Variants in CPEB1 observed in about 807,000 individuals in gnomAD.
CPEB1 encodes cytoplasmic polyadenylation element binding protein 1.
Under a neutral mutation model 65.8 loss-of-function variants are expected in CPEB1, and 7 were observed. The observed-to-expected ratio is 0.11, with a 90% CI of 0.06 to 0.20. The LOEUF is 0.20. Among genes scored for constraint, CPEB1 ranks in the 10% least tolerant of loss-of-function variants. The pLI is 1.00. For synonymous variants in CPEB1, 262 were observed against 260.0 expected, an observed-to-expected ratio of 1.01 and a Z score of -0.08; for missense variants, 551 against 712.2, an observed-to-expected ratio of 0.77 and a Z score of 2.58.
At chr15:82,597,369 TTA>T (rs1231032796) in intron 3 of CPEB1, among the ~76,000 whole-genome samples, 1 of 152,138 alleles carries the variant, frequency 6.6e-6, no homozygotes, top group Non-Finnish European at 1.5e-5. Context: ...CCAGTTGGAT[TTA>T]CATCCAAAGG....
chr15:82,644,641 AT>A (rs1261110961), intron 1 of CPEB1, among the ~76,000 whole-genome samples: 2 of 152,158 alleles, frequency 1.3e-5, no homozygotes, highest in Non-Finnish European at 2.9e-5. Context: ...CTGGGCCCAC[AT>A]TTTTGCTGAG....
chr15:82,611,768 TA>T (rs566522607), intron 3 of CPEB1, among the ~76,000 whole-genome samples: 5 of 144,350 alleles, frequency 3.5e-5, no homozygotes, highest in Admixed American at 6.9e-5. Context: ...TCAATAAGTT[TA>T]AAAAAAACAC....
chr15:82,591,712 T>C (rs960753569), intron 3 of CPEB1, among the ~76,000 whole-genome samples: 5 of 152,188 alleles, frequency 3.3e-5, no homozygotes, highest in Middle Eastern at 3.2e-3. Flanking sequence ...TAAGCAACCA[T>C]GAATCTATTT....
chr15:82,624,273 T>G (rs2045565747), intron 3 of CPEB1, among the ~76,000 whole-genome samples: 1 of 152,262 alleles, frequency 6.6e-6, no homozygotes, highest in Middle Eastern at 3.4e-3. Flanking sequence ...TGGGTATACG[T>G]GAAAGGCTCA....
At chr15:82,638,163 C>G (rs2046820070) in intron 1 of CPEB1, among the ~76,000 whole-genome samples, 1 of 152,146 alleles carries the variant, frequency 6.6e-6, no homozygotes, top group African/African-American at 2.4e-5. Context: ...ATATCATTGT[C>G]AGACAACTGT....
intron 4 of CPEB1, among the ~76,000 whole-genome samples, chr15:82,561,313 T>C (rs1596021366): frequency 1.3e-5 from 2 of 152,290 alleles, no homozygotes; most frequent in South Asian, 2.1e-4. Flanking sequence ...CTACTTGGCA[T>C]AGCAGCATCT....
chr15:82,637,868 A>G, intron 1 of CPEB1: 2 of 371,324 alleles, frequency 5.4e-6, no homozygotes, highest in Non-Finnish European at 1.1e-5. Context: ...TTTTTGTGTA[A>G]GTAGGTCATA....
At chr15:82,636,000 C>T (rs189250219) in intron 1 of CPEB1, among the ~76,000 whole-genome samples, 40 of 152,208 alleles carry the variant, frequency 2.6e-4, no homozygotes, top group Admixed American at 1.6e-3. Context: ...CTTCCTGTGT[C>T]GGAAAGATAA....
intron 3 of CPEB1, among the ~76,000 whole-genome samples, chr15:82,615,087 T>C (rs1438930635): frequency 6.6e-6 from 1 of 152,148 alleles, no homozygotes; most frequent in Non-Finnish European, 1.5e-5. Flanking sequence ...AAACTCAGAG[T>C]GTAAGCCAAG....
intron 4 of CPEB1, chr15:82,562,336 A>G: frequency 5.3e-6 from 2 of 380,412 alleles, no homozygotes; most frequent in Non-Finnish European, 1.0e-5. Context: ...CCTTGCCACT[A>G]CAGGAACTCA....
rs755229520 is a variant in CPEB1, at chr15:82,546,465, A to C, written c.1632T>G (p.Pro544=). 1 of 1,614,048 alleles carries C rather than the reference A, an allele frequency of 6.2e-7. No homozygotes were observed. The highest frequency in any genetic ancestry group is 1.7e-5 in the Admixed American group (1 of 60,028). The change falls in exon 12 of 13, where the codon CCT becomes CCG. Residue 544 remains proline (P), a synonymous_variant. Coordinates refer to ENST00000684509, the MANE Select transcript of CPEB1 (RefSeq NM_001365242.1). ...DSLCHICSSQ[P]GPFFCRDQVC... ...CCTGATCTCGACAGAAGAAAGGACCAGGCTGAGAACTGCAGATATGACACA... is the reference window on the plus strand; with the variant it reads ...CCTGATCTCGACAGAAGAAAGGACCCGGCTGAGAACTGCAGATATGACACA...
chr15:82,629,870 A>G (rs1429064132), intron 1 of CPEB1: 1 of 985,416 alleles, frequency 1.0e-6, no homozygotes, highest in East Asian at 1.1e-4. Context: ...GGATGACCTT[A>G]AAGGGACAAA....
chr15:82,582,805 G>C (rs1419894412), intron 3 of CPEB1, among the ~76,000 whole-genome samples: 1 of 142,058 alleles, frequency 7.0e-6, no homozygotes, highest in Non-Finnish European at 1.5e-5. Context: ...GCAGTGGCGT[G>C]ATCTGGACTC....
At chr15:82,584,586 G>C (rs911390222) in intron 3 of CPEB1, among the ~76,000 whole-genome samples, 1 of 150,944 alleles carries the variant, frequency 6.6e-6, no homozygotes, top group Non-Finnish European at 1.5e-5. Flanking sequence ...GCTGAGGCAG[G>C]AGAATCGCTT....
At chr15:82,569,927 A>G (rs553322544) in intron 4 of CPEB1, among the ~76,000 whole-genome samples, 1 of 152,324 alleles carries the variant, frequency 6.6e-6, no homozygotes, top group South Asian at 2.1e-4. Context: ...TCAAGAACAC[A>G]CAAAACAAAG....
intron 3 of CPEB1, among the ~76,000 whole-genome samples, chr15:82,590,857 C>G (rs994811205): frequency 6.6e-6 from 1 of 152,186 alleles, no homozygotes; most frequent in African/African-American, 2.4e-5. Context: ...TCCTTCTTCA[C>G]GGCTGTGTGT....
chr15:82,601,059 C>T (rs1169277007), intron 3 of CPEB1, among the ~76,000 whole-genome samples: 1 of 151,054 alleles, frequency 6.6e-6, no homozygotes, highest in African/African-American at 2.4e-5. Flanking sequence ...TGCGTGCCAC[C>T]ACACCGAGCT....
In CPEB1 at chr15:82,627,283, G is replaced by C; in HGVS notation, c.181C>G (p.Arg61Gly). The C allele has an allele frequency of 6.2e-7, 1 of 1,613,574 alleles. No homozygotes were observed. Among genetic ancestry groups the C allele is most frequent in the Non-Finnish European group, 8.5e-7 (1 of 1,179,596 alleles). The change falls in exon 3 of 13, where the codon CGA (arginine) becomes GGA (glycine). Residue 61 changes from arginine (R) to glycine (G), a missense_variant. By Grantham distance (125) the Arg-to-Gly change is moderately radical (BLOSUM62 -2). Coordinates refer to ENST00000684509, the MANE Select transcript of CPEB1 (RefSeq NM_001365242.1). ...TTATCCAATATGGCATTTATCCTTC[G>C]AAAGATATTGGCATTACTACACGTG... ...LSTCSNANIF[R>G]RINAILDNSL... is the part of the protein sequence containing the mutation.
chr15:82,613,482 A>C (rs1009698316), intron 3 of CPEB1, among the ~76,000 whole-genome samples: 1 of 151,650 alleles, frequency 6.6e-6, no homozygotes, highest in Non-Finnish European at 1.5e-5. Flanking sequence ...CCACCTCCTG[A>C]GCTCAAGCGA....
Sources: gnomAD v4.1 joint callset for allele counts (sites outside exome capture counted in the v4.1 genomes callset) on GRCh38, gnomAD v4.1.1 for gene constraint, MANE v1.5 for transcripts, NCBI Gene and HGNC (gene_info 2026-07-23, HGNC 2026-07-21) for gene names.